The following ACO1 variants were observed in gnomAD, a reference collection of about 807,000 sequenced individuals.
The protein encoded by ACO1 is aconitase 1.
Under a neutral mutation model 105.1 loss-of-function variants are expected in ACO1, and 78 were observed. That is an observed-to-expected ratio of 0.74 (90% CI 0.62 to 0.90). The LOEUF is 0.90. ACO1 is among the 40% of genes least tolerant of loss of function. The probability of loss-of-function intolerance (pLI) is 0.00; values close to 1 mark genes in which losing one functional copy is unlikely to be tolerated. For missense variants in ACO1, 965 were observed against 1,111.1 expected (o/e 0.87, Z 1.87); for synonymous variants, 364 against 397.4 (o/e 0.92, Z 1.00).
intron 20 of ACO1, 128 bp from the exon 21 acceptor site, chr9:32,449,870 T>C: frequency 1.5e-6 from 1 of 682,416 alleles, no homozygotes; most frequent in Non-Finnish European, 2.6e-6. Flanking sequence ...CAGCCTTGCA[T>C]GTCCTCATGT....
intron 10 of ACO1, among the ~76,000 whole-genome samples, chr9:32,425,015 A>G (rs1034960312): frequency 6.6e-6 from 1 of 152,212 alleles, no homozygotes; most frequent in African/African-American, 2.4e-5. Flanking sequence ...TGTGAACTCC[A>G]TAAGACTTGG....
chr9:32,437,852 C>T (rs1320287136), intron 18 of ACO1, among the ~76,000 whole-genome samples: 3 of 151,798 alleles, frequency 2.0e-5, no homozygotes, highest in African/African-American at 7.3e-5. Context: ...GAGAACATTT[C>T]CTAGAATATG....
chr9:32,454,687 T>C lies in ACO1; in HGVS notation c.*4576T>C, dbSNP rs541915067. 2 of 152,318 alleles carry C rather than the reference T, an allele frequency of 1.3e-5. No homozygotes were observed. Among genetic ancestry groups the C allele is most frequent in the South Asian group, 4.1e-4 (2 of 4,820 alleles). 9.4% of individuals were successfully genotyped at this position (152,318 alleles called of 1,614,324 possible). A position where few individuals can be genotyped will look rare whatever the true frequency, so the allele number is the denominator to read the frequency against. On this transcript the variant is annotated 3_prime_UTR_variant, in exon 21 of 21. Coordinates refer to ENST00000309951, the MANE Select transcript of ACO1 (RefSeq NM_002197.3). Reference sequence around the variant, plus strand: ...AAGCCTACCTGCTCATTTCTTTCATTCAATACATATTAACCAAGTGCCTAC... The same window carrying C: ...AAGCCTACCTGCTCATTTCTTTCATCCAATACATATTAACCAAGTGCCTAC...
At chr9:32,418,070 T>A (rs1821888971) in intron 4 of ACO1, 58 bp from the exon 5 acceptor site, 1 of 1,507,312 alleles carries the variant, frequency 6.6e-7, no homozygotes, top group South Asian at 1.2e-5. Flanking sequence ...CACCAATAAA[T>A]TTGACCACTA....
chr9:32,396,465 C>G (rs1233785917), intron 1 of ACO1, among the ~76,000 whole-genome samples: 1 of 152,196 alleles, frequency 6.6e-6, no homozygotes, highest in Non-Finnish European at 1.5e-5. Flanking sequence ...CTTGCCTTTT[C>G]TGTCTTCCCC....
intron 18 of ACO1, 142 bp downstream of exon 18, chr9:32,436,539 G>A: frequency 1.1e-6 from 1 of 894,548 alleles, no homozygotes; most frequent in Non-Finnish European, 1.7e-6. Context: ...CTTGCCAGGT[G>A]TCCATATGCA....
chr9:32,423,241 A>C, intron 8 of ACO1, 78 bp from the exon 9 acceptor site: 1 of 753,426 alleles, frequency 1.3e-6, no homozygotes, highest in Non-Finnish European at 2.2e-6. Context: ...CATAATTGCT[A>C]ATGGAAGTAT....
intron 14 of ACO1, among the ~76,000 whole-genome samples, chr9:32,430,989 A>G (rs1290332089): frequency 6.6e-6 from 1 of 152,182 alleles, no homozygotes; most frequent in East Asian, 1.9e-4. Flanking sequence ...GCCTGCCTCA[A>G]TCTATTCTAA....
chr9:32,418,471 G>A lies in ACO1; in HGVS notation c.618G>A (p.Ser206=), dbSNP rs371235086. The part of the protein sequence containing the change: ...YYPDSLVGTD[S]HTTMIDGLGI... ...CAGACAGCCTCGTGGGCACAGACTC[G>A]CACACTACCATGATTGATGGCTTGG... Residue 206 remains serine (S), a synonymous_variant, in exon 6 of 21, where the codon TCG becomes TCA. Coordinates refer to ENST00000309951, the MANE Select transcript of ACO1 (RefSeq NM_002197.3). 16 of 1,614,046 alleles carry A rather than the reference G, an allele frequency of 9.9e-6. No individual in the cohort carries two copies. The highest frequency in any genetic ancestry group is 6.7e-5 in the African/African-American group (5 of 74,924).
chr9:32,440,842 T>C (rs1003679015), intron 19 of ACO1, among the ~76,000 whole-genome samples: 2 of 152,130 alleles, frequency 1.3e-5, no homozygotes, highest in Non-Finnish European at 2.9e-5. Flanking sequence ...AGTTTTGGGG[T>C]AGGGTCTGTG....
At chr9:32,448,484 C>G (rs555456903) in intron 19 of ACO1, among the ~76,000 whole-genome samples, 2 of 152,332 alleles carry the variant, frequency 1.3e-5, no homozygotes, top group African/African-American at 4.8e-5. Context: ...ACCCACCAAG[C>G]CAGGCACTGG....
At chr9:32,395,128 A>G (rs10813806) in intron 1 of ACO1, among the ~76,000 whole-genome samples, 65,870 of 152,012 alleles carry the variant, frequency 0.43, 14,785 homozygotes, top group Non-Finnish European at 0.5. Context: ...CTGCTTTGTA[A>G]TACTTTTTTT....
intron 1 of ACO1, among the ~76,000 whole-genome samples, chr9:32,387,083 C>T (rs754778991): frequency 6.6e-6 from 1 of 152,196 alleles, no homozygotes; most frequent in African/African-American, 2.4e-5. Context: ...TGTATCACCA[C>T]GTGCCTGGCA....
intron 19 of ACO1, among the ~76,000 whole-genome samples, chr9:32,448,443 A>T (rs138340474): frequency 0.018 from 2,748 of 152,296 alleles, 42 homozygotes; most frequent in Non-Finnish European, 0.027. Context: ...AAGCCAGTGG[A>T]TCTTAGCTTT....
At position 32,448,950 on chromosome 9, in the gene ACO1, G is replaced by T; in HGVS notation, c.2425G>T (p.Val809Phe). ...SYERIHRSNL[V>F]GMGVIPLEYL... Reference sequence around the variant, plus strand: ...CGAGCGCATTCACCGCAGTAACCTGGTTGGGATGGGTGTGATCCCACTTGA... The same window carrying T: ...CGAGCGCATTCACCGCAGTAACCTGTTTGGGATGGGTGTGATCCCACTTGA... Residue 809 changes from valine (V) to phenylalanine (F), a missense_variant, in exon 20 of 21, where the codon GTT (valine) becomes TTT (phenylalanine). Transcript: ENST00000309951. 3 of 1,614,216 alleles carry T rather than the reference G, an allele frequency of 1.9e-6. No individual in the cohort carries two copies. The highest frequency in any genetic ancestry group is 1.3e-5 in the African/African-American group (1 of 75,050).
In ACO1 at chr9:32,454,120, G is replaced by A. The variant is rs1822827867; in HGVS notation, c.*4009G>A. The A allele has an allele frequency of 6.6e-6, 1 of 152,182 alleles. No individual in the cohort carries two copies. The highest frequency in any genetic ancestry group is 1.9e-4 in the East Asian group (1 of 5,200). 9.4% of individuals were successfully genotyped at this position (152,182 alleles called of 1,614,324 possible). A position where few individuals can be genotyped will look rare whatever the true frequency, so the allele number is the denominator to read the frequency against. The stretch of plus-strand genomic sequence containing the variant: ...GTCCCCTGAGTAAAACAGTTCCACG[G>A]TCAGTACATTTGGGAACCACTGAGT... On this transcript the variant is annotated 3_prime_UTR_variant, in exon 21 of 21. Coordinates refer to ENST00000309951, the MANE Select transcript of ACO1 (RefSeq NM_002197.3).
intron 1 of ACO1, among the ~76,000 whole-genome samples, chr9:32,399,966 G>GTTTTTTGTTTTTTT (rs1821455017): frequency 1.4e-5 from 1 of 69,842 alleles, no homozygotes; most frequent in Admixed American, 2.2e-4. Flanking sequence ...TTCTTTTTCT[G>GTTTTTTGTTTTTTT]TTTTTTTTTT....
chr9:32,410,138 G>A (rs1821703948), intron 4 of ACO1, among the ~76,000 whole-genome samples: 1 of 152,142 alleles, frequency 6.6e-6, no homozygotes, highest in African/African-American at 2.4e-5. Context: ...GAGTCTTTGG[G>A]TTAAAATGGC....
chr9:32,427,537 A>G lies in ACO1; in HGVS notation c.1484+101A>G, dbSNP rs72561743. The G allele has an allele frequency of 3.2e-3, 4,783 of 1,472,388 alleles. 141 individuals carry two copies. The African/African-American group carries it at 0.059, about 18-fold the overall frequency. 91.2% of individuals were successfully genotyped at this position (1,472,388 alleles called of 1,614,324 possible). A position where few individuals can be genotyped will look rare whatever the true frequency, so the allele number is the denominator to read the frequency against. ...AACAGATGTGAGATTATCTGATGAT[A>G]TCTAATTGCATAGTCGTTTATCAGT... is the stretch of plus-strand genomic sequence containing the variant. On this transcript the variant is annotated intron_variant, in intron 12 of 20. Coordinates refer to ENST00000309951, the MANE Select transcript of ACO1 (RefSeq NM_002197.3).
Sources: allele counts gnomAD v4.1 joint callset (sites outside exome capture counted in the v4.1 genomes callset), GRCh38; gene constraint gnomAD v4.1.1; transcripts MANE v1.5; gene names NCBI Gene and HGNC (gene_info 2026-07-23, HGNC 2026-07-21).